LIMS1: variants seen among roughly 807,000 people sequenced by gnomAD.
LIMS1 encodes LIM zinc finger domain containing 1.
In LIMS1, 18 loss-of-function variants were observed where a neutral mutation model predicts 44.1. That is an observed-to-expected ratio of 0.41 (90% CI 0.28 to 0.61). LIMS1 has a LOEUF of 0.61. Among genes scored for constraint, LIMS1 ranks in the 20% least tolerant of loss-of-function variants. The pLI is 0.32. For synonymous variants in LIMS1, 93 were observed against 149.1 expected (o/e 0.62, Z 2.74); for missense variants, 201 against 422.0 (o/e 0.48, Z 4.59).
exon 10 of LIMS1, chr2:108,685,459 A>G (rs1010122093): frequency 3.9e-5 from 6 of 152,112 alleles, no homozygotes; most frequent in African/African-American, 1.4e-4. Context: ...TTGCTGAAAT[A>G]TTGTTTTGCC....
intron 1 of LIMS1, among the ~76,000 whole-genome samples, chr2:108,585,963 G>A (rs1343792736): frequency 2.0e-5 from 3 of 152,132 alleles, no homozygotes; most frequent in African/African-American, 7.2e-5. Flanking sequence ...GGAGGCCGAG[G>A]CAGGCGAATC....
At chr2:108,539,621 ATTG>A (rs1333277303) in intron 1 of LIMS1, among the ~76,000 whole-genome samples, 7 of 152,186 alleles carry the variant, frequency 4.6e-5, no homozygotes, top group Admixed American at 4.6e-4. Context: ...ATTTTTAGTG[ATTG>A]TTGCTTCTGG....
chr2:108,651,467 G>A (rs1223812140), intron 1 of LIMS1, among the ~76,000 whole-genome samples: 1 of 152,278 alleles, frequency 6.6e-6, no homozygotes, highest in African/African-American at 2.4e-5. Flanking sequence ...TAGCAAAATT[G>A]TAAACAAAGG....
At position 108,643,588 on chromosome 2, in the gene LIMS1, G is replaced by GTT. The variant is rs70956267; in HGVS notation, c.33-16008_33-16007dup. On this transcript the variant is annotated intron_variant, in intron 1 of 9. Coordinates refer to ENST00000544547, the Ensembl canonical transcript of LIMS1. Reference sequence around the variant, plus strand: ...TTTAGGGCAGACACCGAGCTAGCCAGTTTTTTTTTTCATACCCCAGTGGTA... The same window carrying GTT: ...TTTAGGGCAGACACCGAGCTAGCCAGTTTTTTTTTTTTCATACCCCAGTGGTA... Among the ~76,000 whole-genome samples, 28 of 150,144 alleles carry GTT rather than the reference G, an allele frequency of 1.9e-4. 1 individual carries two copies. Among genetic ancestry groups the GTT allele is most frequent in the Non-Finnish European group, 3.6e-4 (24 of 67,396 alleles).
At chr2:108,536,749 T>G (rs895128137) in intron 1 of LIMS1, among the ~76,000 whole-genome samples, 4 of 152,056 alleles carry the variant, frequency 2.6e-5, no homozygotes, top group African/African-American at 9.7e-5. Context: ...CCTGGATAAT[T>G]TTTGTATTTT....
chr2:108,580,554 G>A (rs770753064), intron 1 of LIMS1, among the ~76,000 whole-genome samples: 1 of 152,162 alleles, frequency 6.6e-6, no homozygotes, highest in South Asian at 2.1e-4. Flanking sequence ...AAAGAGGGAT[G>A]TTCAGAGGCC....
intron 1 of LIMS1, among the ~76,000 whole-genome samples, chr2:108,603,495 CTT>C (rs55909729): frequency 2.3e-5 from 2 of 88,224 alleles, no homozygotes; most frequent in South Asian, 3.9e-4. Context: ...TTTTCATCGC[CTT>C]TTTTTTTTTT....
intron 1 of LIMS1, among the ~76,000 whole-genome samples, chr2:108,547,240 C>G (rs2104579672): frequency 6.6e-6 from 1 of 152,306 alleles, no homozygotes; most frequent in South Asian, 2.1e-4. Flanking sequence ...GGTGGATAGT[C>G]AGGCAGGACA....
At chr2:108,680,096 C>T (rs929191518) in intron 8 of LIMS1, among the ~76,000 whole-genome samples, 6 of 151,842 alleles carry the variant, frequency 4.0e-5, no homozygotes, top group East Asian at 3.9e-4. Context: ...ATAGGCCGGG[C>T]GCAGTGGCTC....
chr2:108,657,465 T>C lies in LIMS1; in HGVS notation c.33-2140T>C, dbSNP rs1476401908. On this transcript the variant is annotated intron_variant, in intron 1 of 9. Coordinates refer to ENST00000544547, the Ensembl canonical transcript of LIMS1. ...ACAATAATGAGAACAGCACTGAGAATGACCAGGCAGATGTGGAGCTTACCG... is the reference window on the plus strand; with the variant it reads ...ACAATAATGAGAACAGCACTGAGAACGACCAGGCAGATGTGGAGCTTACCG... Among the ~76,000 whole-genome samples, 10 of 152,400 alleles carry C rather than the reference T, an allele frequency of 6.6e-5. No individual in the cohort carries two copies. In the East Asian group the frequency reaches 1.9e-3, roughly 29 times the overall value.
intron 1 of LIMS1, among the ~76,000 whole-genome samples, chr2:108,537,526 G>A (rs998422400): frequency 1.3e-5 from 2 of 152,226 alleles, no homozygotes; most frequent in Non-Finnish European, 1.5e-5. Context: ...CCATTATGAA[G>A]AGGGACAATG....
intron 1 of LIMS1, among the ~76,000 whole-genome samples, chr2:108,609,651 A>G (rs1687478861): frequency 6.6e-6 from 1 of 152,092 alleles, no homozygotes; most frequent in Non-Finnish European, 1.5e-5. Context: ...TGGGCAATCT[A>G]TTTAACATCC....
intron 1 of LIMS1, among the ~76,000 whole-genome samples, chr2:108,652,613 G>A (rs1573560150): frequency 6.6e-6 from 1 of 152,220 alleles, no homozygotes; most frequent in Non-Finnish European, 1.5e-5. Flanking sequence ...ACTTGATAGA[G>A]GCTGATGTTA....
At chr2:108,552,230 G>C (rs1684770752) in intron 1 of LIMS1, among the ~76,000 whole-genome samples, 1 of 140,516 alleles carries the variant, frequency 7.1e-6, no homozygotes, top group Non-Finnish European at 1.5e-5. Flanking sequence ...TAATACATTA[G>C]TTATATATAC....
At chr2:108,591,913 G>C (rs1056486962) in intron 1 of LIMS1, among the ~76,000 whole-genome samples, 4 of 150,500 alleles carry the variant, frequency 2.7e-5, no homozygotes, top group African/African-American at 7.3e-5. Context: ...TTCTGTCTCA[G>C]CCTCCCAAGT....
At chr2:108,616,857 G>A (rs939661917) in intron 1 of LIMS1, among the ~76,000 whole-genome samples, 6 of 152,118 alleles carry the variant, frequency 3.9e-5, no homozygotes, top group African/African-American at 7.2e-5. Context: ...AGCTTGGCTG[G>A]CAAATAAATG....
chr2:108,630,729 C>T (rs1360148724), intron 1 of LIMS1, among the ~76,000 whole-genome samples: 1 of 152,064 alleles, frequency 6.6e-6, no homozygotes, highest in Admixed American at 6.5e-5. Flanking sequence ...CTGTCAGCTA[C>T]CTGTGTGTCT....
At chr2:108,534,714 C>T (rs1057072410) in intron 1 of LIMS1, 120 bp downstream of exon 1, 7 of 482,902 alleles carry the variant, frequency 1.4e-5, no homozygotes, top group Non-Finnish European at 1.6e-5. Context: ...CGGCCTCCCC[C>T]GGTCGGCCGG....
chr2:108,534,499 G>C, exon 1 of LIMS1: 1 of 1,161,616 alleles, frequency 8.6e-7, no homozygotes. Flanking sequence ...GAGGGACTAG[G>C]ACGCGGCTGG....
Sources: allele counts gnomAD v4.1 joint callset (sites outside exome capture counted in the v4.1 genomes callset), GRCh38; gene constraint gnomAD v4.1.1; transcripts MANE v1.5; gene names NCBI Gene and HGNC (gene_info 2026-07-23, HGNC 2026-07-21).